HPRT1: variants seen among roughly 807,000 people sequenced by gnomAD.
HPRT1 encodes the protein hypoxanthine-guanine phosphoribosyltransferase.
HPRT1 carries 4 observed loss-of-function variants against 19.0 expected under a neutral mutation model. The observed-to-expected ratio is 0.21, with a 90% CI of 0.10 to 0.48. The LOEUF is 0.48. Among genes scored for constraint, HPRT1 ranks in the 20% least tolerant of loss-of-function variants. The probability of loss-of-function intolerance (pLI) is 0.98; values close to 1 mark genes in which losing one functional copy is unlikely to be tolerated. For synonymous variants in HPRT1, 53 were observed against 54.9 expected (o/e 0.97, Z 0.15); for missense variants, 65 against 164.0 (o/e 0.40, Z 3.30).
intron 1 of HPRT1, among the ~76,000 whole-genome samples, chrX:134,467,993 G>T (rs1007706798): frequency 9.3e-6 from 1 of 107,541 alleles, no homozygotes; most frequent in African/African-American, 3.4e-5. Context: ...TGTATTTTTA[G>T]TAGAGACGGG....
intron 5 of HPRT1, among the ~76,000 whole-genome samples, chrX:134,490,815 T>C (rs1188458214): frequency 9.1e-6 from 1 of 109,363 alleles, no homozygotes; most frequent in Non-Finnish European, 1.9e-5. Flanking sequence ...TTCCGAGTGA[T>C]TCTGATGCAT....
chrX:134,466,020 AC>A (rs1045376943), intron 1 of HPRT1, among the ~76,000 whole-genome samples: 2 of 108,367 alleles, frequency 1.8e-5, no homozygotes, highest in African/African-American at 3.4e-5. Flanking sequence ...TGAAGTCCTA[AC>A]CCCCAGTGTG....
Position 134,499,214 on chromosome X carries a change from C to G in HPRT1, c.609+530C>G, listed in dbSNP as rs17885487. Among the ~76,000 whole-genome samples, 109 of 112,101 alleles carry G rather than the reference C, an allele frequency of 9.7e-4. 1 individual carries two copies. In the South Asian group the frequency reaches 0.017, roughly 17 times the overall value. ...CATATTGAGGCTGGTTGCGGTGGCT[C>G]ACACCTGTAATCCTAGCACTTTGGG... On this transcript the variant is annotated intron_variant, in intron 8 of 8. Transcript: ENST00000298556.
rs923168482 is a variant in HPRT1, at chrX:134,475,870, A to G, written c.318+506A>G. ...TCGCACCAGAAACCACTTTTGATCC[A>G]CAGTCTGCCTGTGTCACACAATTGA... is the stretch of plus-strand genomic sequence containing the variant. On this transcript the variant is annotated intron_variant, in intron 3 of 8. Transcript: ENST00000298556. Among the ~76,000 whole-genome samples the G allele has an allele frequency of 5.4e-5, 6 of 112,014 alleles. No individual in the cohort carries two copies. The East Asian group carries it at 1.7e-3, about 31-fold the overall frequency.
At chrX:134,472,880 TTTTG>T (rs1292564228) in intron 1 of HPRT1, among the ~76,000 whole-genome samples, 3 of 110,244 alleles carry the variant, frequency 2.7e-5, no homozygotes, top group Non-Finnish European at 3.8e-5. Flanking sequence ...CAGCCTGTTT[TTTTG>T]TTTGTTTGTT....
At chrX:134,485,103 A>G (rs188625142) in intron 3 of HPRT1, among the ~76,000 whole-genome samples, 1 of 112,477 alleles carries the variant, frequency 8.9e-6, no homozygotes, top group Non-Finnish European at 1.9e-5. Context: ...TTTTCAAAAG[A>G]AGCTATGCCA....
chrX:134,472,897 G>GT (rs1051330236), intron 1 of HPRT1, among the ~76,000 whole-genome samples: 16 of 108,662 alleles, frequency 1.5e-4, no homozygotes, highest in Non-Finnish European at 1.9e-4. Context: ...TGTTTGTTTT[G>GT]TTTTTTTTGA....
Position 134,498,679 on chromosome X carries a change from T to C in HPRT1, c.604T>C (p.Leu202=). 2.6e-6 allele frequency: 3 copies of C among 1,138,396 alleles called. No individual in the cohort carries two copies. The highest frequency in any genetic ancestry group is 3.6e-5 in the South Asian group (2 of 55,241). 93.8% of individuals were successfully genotyped at this position (1,138,396 alleles called of 1,213,427 possible). The change falls in exon 8 of 9, where the codon TTG becomes CTG. Residue 202 remains leucine, a synonymous_variant. Transcript: ENST00000298556. Reference sequence around the variant, plus strand: ...TGACTATAATGAATACTTCAGGGATTTGAATGTAAGTAATTGCTTCTTTTT... The same window carrying C: ...TGACTATAATGAATACTTCAGGGATCTGAATGTAAGTAATTGCTTCTTTTT... The part of the protein sequence containing the change: ...ALDYNEYFRD[L]NHVCVISETG...
At position 134,473,401 on chromosome X, in the gene HPRT1, A is replaced by G; in HGVS notation, c.70A>G (p.Ile24Val). The change falls in exon 2 of 9, where the codon ATA (isoleucine) becomes GTA (valine). Residue 24 changes from isoleucine (I) to valine (V), a missense_variant. Ile to Val is a conservative substitution (Grantham distance 29). Coordinates refer to ENST00000298556, the MANE Select transcript of HPRT1 (RefSeq NM_000194.3). ...EPGYDLDLFCIPNHYAEDLER... is the reference protein window; with the variant it reads ...EPGYDLDLFCVPNHYAEDLER... Reference sequence around the variant, plus strand: ...AGGTTATGACCTTGATTTATTTTGCATACCTAATCATTATGCTGAGGATTT... The same window carrying G: ...AGGTTATGACCTTGATTTATTTTGCGTACCTAATCATTATGCTGAGGATTT... 2 of 1,194,861 alleles carry G rather than the reference A, an allele frequency of 1.7e-6. No homozygotes were observed. Among genetic ancestry groups the G allele is most frequent in the East Asian group, 3.0e-5 (1 of 33,726 alleles).
At chrX:134,484,864 G>A (rs993044542) in intron 3 of HPRT1, among the ~76,000 whole-genome samples, 2 of 111,634 alleles carry the variant, frequency 1.8e-5, no homozygotes, top group African/African-American at 6.5e-5. Flanking sequence ...AAGAGAGACA[G>A]GGTCTTGCTG....
At chrX:134,492,716 G>A (rs1200867686) in intron 5 of HPRT1, among the ~76,000 whole-genome samples, 1 of 112,024 alleles carries the variant, frequency 8.9e-6, no homozygotes, top group East Asian at 2.8e-4. Context: ...CGGCTATCCC[G>A]TTATTTTCAC....
intron 4 of HPRT1, among the ~76,000 whole-genome samples, chrX:134,488,814 A>G (rs751553268): frequency 8.9e-6 from 1 of 112,088 alleles, no homozygotes; most frequent in South Asian, 3.7e-4. Flanking sequence ...AAATGGGAAA[A>G]AAACATAACT....
intron 5 of HPRT1, among the ~76,000 whole-genome samples, chrX:134,492,943 C>T (rs2077671473): frequency 8.9e-6 from 1 of 111,830 alleles, no homozygotes; most frequent in Non-Finnish European, 1.9e-5. Flanking sequence ...ATGGCTCACA[C>T]TGCTTTATTC....
At chrX:134,471,034 C>T (rs2077609233) in intron 1 of HPRT1, among the ~76,000 whole-genome samples, 2 of 108,508 alleles carry the variant, frequency 1.8e-5, no homozygotes, top group African/African-American at 6.7e-5. Context: ...CTCCCTCCCT[C>T]CCTTCCCAAT....
intron 5 of HPRT1, among the ~76,000 whole-genome samples, chrX:134,490,510 T>C (rs2124300270): frequency 9.3e-6 from 1 of 107,028 alleles, no homozygotes; most frequent in African/African-American, 3.3e-5. Flanking sequence ...TGTATATATA[T>C]ATATATCTTG....
rs749375059 is a variant in HPRT1, at chrX:134,500,016, A to ATT, written c.610-6_610-5dup. 2.7e-6 allele frequency: 3 copies of ATT among 1,101,914 alleles called. No homozygotes were observed. The highest frequency in any genetic ancestry group is 1.8e-5 in the South Asian group (1 of 54,115). The allele number at this position is 1,101,914 out of a possible 1,213,427, so 90.8% of individuals were successfully genotyped here. On this transcript the variant is annotated splice_polypyrimidine_tract_variant and intron_variant, in intron 8 of 8. Transcript: ENST00000298556. ...ATACTTTTTAAATGTGAATTTCTGG[A>ATT]TTTTTTTTTATAGCATGTTTGTGTC...
chrX:134,496,594 T>G (rs2077680847), intron 6 of HPRT1, among the ~76,000 whole-genome samples: 1 of 112,203 alleles, frequency 8.9e-6, no homozygotes, highest in Admixed American at 9.5e-5. Flanking sequence ...TGGCTTGTTA[T>G]GTTCTTTCTA....
At chrX:134,489,613 C>T (rs982440520) in intron 4 of HPRT1, among the ~76,000 whole-genome samples, 1 of 111,571 alleles carries the variant, frequency 9.0e-6, no homozygotes, top group South Asian at 3.8e-4. Context: ...GTTAAGGACT[C>T]TTCCAGCTAT....
chrX:134,460,227 T>C lies in HPRT1; in HGVS notation c.-85T>C. 2.0e-6 allele frequency: 2 copies of C among 1,023,435 alleles called. No individual in the cohort carries two copies. The highest frequency in any genetic ancestry group is 2.6e-6 in the Non-Finnish European group (2 of 767,811). The allele number at this position is 1,023,435 out of a possible 1,213,427, so 84.3% of individuals were successfully genotyped here. On this transcript the variant is annotated 5_prime_UTR_variant, in exon 1 of 9. Coordinates refer to ENST00000298556, the MANE Select transcript of HPRT1 (RefSeq NM_000194.3). ...CTCGGCTTTCCCGCGCGGCGCCGCC[T>C]CTTGCTGCGCCTCCGCCTCCTCCTC...
Sources: gnomAD v4.1 joint callset for allele counts (sites outside exome capture counted in the v4.1 genomes callset) on GRCh38, gnomAD v4.1.1 for gene constraint, MANE v1.5 for transcripts, NCBI Gene and HGNC (gene_info 2026-07-23, HGNC 2026-07-21) for gene names.